PTPRN2: variants seen among roughly 807,000 people sequenced by gnomAD.
PTPRN2 encodes the protein receptor-type tyrosine-protein phosphatase N2.
A neutral mutation model predicts 118.8 loss-of-function variants in PTPRN2; 74 were observed. That is an observed-to-expected ratio of 0.62 (90% CI 0.52 to 0.76). PTPRN2 has a LOEUF of 0.76. Among genes scored for constraint, PTPRN2 ranks in the 30% least tolerant of loss-of-function variants. The pLI, the probability that PTPRN2 is intolerant of heterozygous loss-of-function variation, is 0.00. For missense variants in PTPRN2, 1,481 were observed against 1,394.4 expected, an observed-to-expected ratio of 1.06 and a Z score of -0.99; for synonymous variants, 641 against 608.0, an observed-to-expected ratio of 1.05 and a Z score of -0.80.
chr7:158,109,691 T>C (rs1011398754), intron 10 of PTPRN2, among the ~76,000 whole-genome samples: 2 of 151,384 alleles, frequency 1.3e-5, no homozygotes, highest in Non-Finnish European at 2.9e-5. Context: ...GTCACCCCTG[T>C]GTGAGGGAGA....
At chr7:158,200,672 A>C (rs1183862618) in intron 4 of PTPRN2, among the ~76,000 whole-genome samples, 1 of 152,250 alleles carries the variant, frequency 6.6e-6, no homozygotes, top group South Asian at 2.1e-4. Context: ...AGAAAACCTC[A>C]AAATTACCAA....
chr7:157,951,919 G>A (rs758192121), intron 11 of PTPRN2, among the ~76,000 whole-genome samples: 3 of 152,088 alleles, frequency 2.0e-5, no homozygotes, highest in Non-Finnish European at 4.4e-5. Flanking sequence ...TGGCCTGGGC[G>A]CCCACTCACT....
intron 2 of PTPRN2, among the ~76,000 whole-genome samples, chr7:158,407,138 G>A (rs536333344): frequency 2.6e-4 from 38 of 143,460 alleles, no homozygotes; most frequent in African/African-American, 8.1e-4. Flanking sequence ...TGGGTCCTGC[G>A]TCCTGCGTCC....
At chr7:157,769,188 G>A (rs912809744) in intron 12 of PTPRN2, among the ~76,000 whole-genome samples, 3 of 152,102 alleles carry the variant, frequency 2.0e-5, no homozygotes, top group South Asian at 2.1e-4. Flanking sequence ...TCATTATTCC[G>A]CCCCCCACAC....
rs181891131 is a variant in PTPRN2, at chr7:158,009,465, A to G, written c.1723+71833T>C. On this transcript the variant is annotated intron_variant, in intron 11 of 22. Transcript: ENST00000389418. ...CAGCATGTACAAGCAGAACCCGCAAATGAGAGAAATGTTGGTATATGTGAT... is the reference window on the plus strand; with the variant it reads ...CAGCATGTACAAGCAGAACCCGCAAGTGAGAGAAATGTTGGTATATGTGAT... Among the ~76,000 whole-genome samples the G allele has an allele frequency of 9.2e-5, 14 of 152,236 alleles. No individual in the cohort carries two copies. The East Asian group carries it at 2.5e-3, about 27-fold the overall frequency.
intron 11 of PTPRN2, among the ~76,000 whole-genome samples, chr7:157,981,725 C>G (rs1330225263): frequency 6.6e-6 from 1 of 152,236 alleles, no homozygotes; most frequent in Non-Finnish European, 1.5e-5. Context: ...TAAAATGACC[C>G]TTGGGCGTTT....
At chr7:157,972,544 CGGG>C (rs1802412157) in intron 11 of PTPRN2, among the ~76,000 whole-genome samples, 1 of 105,112 alleles carries the variant, frequency 9.5e-6, no homozygotes. Context: ...TCAGAGACCA[CGGG>C]AACTCCACAC....
At chr7:157,659,038 C>T (rs1795747450) in intron 13 of PTPRN2, among the ~76,000 whole-genome samples, 1 of 151,898 alleles carries the variant, frequency 6.6e-6, no homozygotes, top group Non-Finnish European at 1.5e-5. Flanking sequence ...GTCCATTCTC[C>T]CTTCACCCCG....
rs73510555 is a variant in PTPRN2, at chr7:158,546,107, G to A, written c.112+41451C>T. Among the ~76,000 whole-genome samples the A allele has an allele frequency of 0.036, 5,493 of 152,292 alleles. 333 individuals are homozygous for A. Among genetic ancestry groups the A allele is most frequent in the African/African-American group, 0.12 (5,137 of 41,536 alleles). ...AACTGGGCCAACGGCCCACAAACAC[G>A]TGAGCCAGGTGAAGGGTCATGCAGA... On this transcript the variant is annotated intron_variant, in intron 1 of 22. Coordinates refer to ENST00000389418, the MANE Select transcript of PTPRN2 (RefSeq NM_002847.5). The surrounding 1 kb of genome is among the most constrained non-coding windows in gnomAD (Gnocchi z 5.0).
At chr7:157,556,280 G>GCA (rs550970531) in intron 21 of PTPRN2, among the ~76,000 whole-genome samples, 1 of 147,748 alleles carries the variant, frequency 6.8e-6, no homozygotes, top group South Asian at 2.2e-4. Context: ...ATATGCACAT[G>GCA]CACACACACA....
intron 13 of PTPRN2, among the ~76,000 whole-genome samples, chr7:157,657,491 T>A (rs148512691): frequency 3.6e-4 from 3 of 8,308 alleles, no homozygotes; most frequent in Admixed American, 2.0e-3. Flanking sequence ...ACCACACACA[T>A]CACATATACA....
intron 3 of PTPRN2, 25 bp downstream of exon 3, chr7:158,316,794 G>C (rs759514804): frequency 1.3e-6 from 2 of 1,560,102 alleles, no homozygotes; most frequent in South Asian, 2.3e-5. Context: ...GGCAGCCGCC[G>C]AGCCTCGGCC....
intron 11 of PTPRN2, among the ~76,000 whole-genome samples, chr7:157,906,573 G>T (rs1408741880): frequency 6.6e-6 from 1 of 152,068 alleles, no homozygotes; most frequent in Non-Finnish European, 1.5e-5. Context: ...AAAAAATGGG[G>T]TCTTTATTCA....
At chr7:158,111,715 C>T (rs868622840) in intron 9 of PTPRN2, among the ~76,000 whole-genome samples, 1 of 152,228 alleles carries the variant, frequency 6.6e-6, no homozygotes, top group Non-Finnish European at 1.5e-5. Flanking sequence ...CCAAATACAG[C>T]AATGAACAGC....
At chr7:157,937,451 G>A (rs1046922053) in intron 11 of PTPRN2, among the ~76,000 whole-genome samples, 2 of 152,346 alleles carry the variant, frequency 1.3e-5, no homozygotes, top group East Asian at 1.9e-4. Context: ...GGAGCAGATC[G>A]CATCAGCTAC....
intron 12 of PTPRN2, among the ~76,000 whole-genome samples, chr7:157,703,859 C>T (rs1476915504): frequency 6.6e-6 from 1 of 152,142 alleles, no homozygotes; most frequent in East Asian, 1.9e-4. Flanking sequence ...GAGGCTGCCT[C>T]TCCCCTGCCC....
intron 4 of PTPRN2, among the ~76,000 whole-genome samples, chr7:158,204,212 G>T (rs1251482514): frequency 6.7e-6 from 1 of 148,442 alleles, no homozygotes; most frequent in Non-Finnish European, 1.5e-5. Context: ...TGGTGAAGAC[G>T]AAGCCCCCGC....
In PTPRN2 at chr7:157,964,510, C is replaced by T. The variant is rs1326461204; in HGVS notation, c.1724-65773G>A. On this transcript the variant is annotated intron_variant, in intron 11 of 22. Coordinates refer to ENST00000389418, the MANE Select transcript of PTPRN2 (RefSeq NM_002847.5). This position sits in a 1 kb window ranked among gnomAD's most constrained non-coding sequence, Gnocchi z 9.0. ...TGATTTGGGAATGAGGGGAATTCAT[C>T]CATTTGAGGTTAAATGTTTGCCAAT... Among the ~76,000 whole-genome samples the T allele has an allele frequency of 6.6e-6, 1 of 152,060 alleles. No homozygotes were observed.
chr7:157,798,029 C>T (rs944519882), intron 12 of PTPRN2, among the ~76,000 whole-genome samples: 1 of 152,108 alleles, frequency 6.6e-6, no homozygotes, highest in Admixed American at 6.5e-5. Flanking sequence ...GAGGCTGAGG[C>T]GGGTGGATCA....
Sources: gnomAD v4.1 joint callset for allele counts (sites outside exome capture counted in the v4.1 genomes callset) on GRCh38, gnomAD v4.1.1 for gene constraint, Gnocchi (gnomAD v3.1) non-coding constraint, MANE v1.5 for transcripts, NCBI Gene and HGNC (gene_info 2026-07-23, HGNC 2026-07-21) for gene names.